Variants in PRCD observed in about 807,000 individuals in gnomAD.
PRCD encodes the protein photoreceptor disc component, also known as photoreceptor disk component PRCD.
Under a neutral mutation model 10.1 loss-of-function variants are expected in PRCD, and 12 were observed. The ratio of observed to expected loss-of-function variants is 1.18; its 90% CI spans 0.76 to 1.92. The LOEUF (loss-of-function observed/expected upper bound fraction) is 1.92. Among genes scored for constraint, PRCD ranks in the 40% most tolerant of loss-of-function variants. PRCD has a pLI of 0.00. For missense variants in PRCD, 61 were observed against 72.2 expected (o/e 0.84, Z 0.56); for synonymous variants, 31 against 26.2 (o/e 1.18, Z -0.56).
chr17:76,541,685 C>T (rs569134231), intron 2 of PRCD, among the ~76,000 whole-genome samples: 1 of 152,292 alleles, frequency 6.6e-6, no homozygotes, highest in Non-Finnish European at 1.5e-5. Flanking sequence ...TAATTGATAT[C>T]ACTAGTTAAA....
At chr17:76,539,000 C>A (rs991131401), upstream of PRCD, among the ~76,000 whole-genome samples, 2 of 152,246 alleles carry the variant, frequency 1.3e-5, no homozygotes, top group Admixed American at 6.5e-5. Context: ...GCCTCAGCTG[C>A]AGCCTGGGCC....
intron 1 of PRCD, among the ~76,000 whole-genome samples, chr17:76,532,310 G>A (rs914063984): frequency 6.6e-6 from 1 of 152,060 alleles, no homozygotes; most frequent in African/African-American, 2.4e-5. Context: ...ATGTTCCTCG[G>A]GTGAGCCACA....
chr17:76,547,828 ACAC>A (rs200613080), downstream of PRCD, among the ~76,000 whole-genome samples: 2,643 of 143,392 alleles, frequency 0.018, 68 homozygotes, highest in African/African-American at 0.068. Flanking sequence ...ACACACACAC[ACAC>A]AACACACATT....
chr17:76,540,385 G>A lies in PRCD; in HGVS notation c.75-120G>A, dbSNP rs1320874048. 7 of 1,324,050 alleles carry A rather than the reference G, an allele frequency of 5.3e-6. No homozygotes were observed. Among genetic ancestry groups the A allele is most frequent in the Non-Finnish European group, 6.5e-6 (6 of 920,626 alleles). 82.0% of individuals were successfully genotyped at this position (1,324,050 alleles called of 1,614,324 possible). ...CAGTCTCAGAGCAGGGGGACTTAGA[G>A]CTTCAAAGGCTCTAGTTGCAGCCTC... On this transcript the variant is annotated intron_variant, in intron 1 of 4. Coordinates refer to ENST00000592014, the MANE Select transcript of PRCD (RefSeq NM_001077620.3). The surrounding 1 kb of genome is among the most constrained non-coding windows in gnomAD (Gnocchi z 5.0).
intron 1 of PRCD, among the ~76,000 whole-genome samples, chr17:76,532,637 T>G (rs1328962043): frequency 6.6e-6 from 1 of 151,420 alleles, no homozygotes; most frequent in African/African-American, 2.4e-5. Flanking sequence ...GTTCAAGTGA[T>G]TCTCTTGCCT....
chr17:76,540,466 A>G lies in PRCD; in HGVS notation c.75-39A>G. The G allele has an allele frequency of 6.2e-7, 1 of 1,605,274 alleles. No homozygotes were observed. The highest frequency in any genetic ancestry group is 8.5e-7 in the Non-Finnish European group (1 of 1,172,536). On this transcript the variant is annotated intron_variant, in intron 1 of 4. Coordinates refer to ENST00000592014, the MANE Select transcript of PRCD (RefSeq NM_001077620.3). The surrounding 1 kb of genome is among the most constrained non-coding windows in gnomAD (Gnocchi z 5.0). ...GTGGAGGGACAGTGAGGGGCTGGGC[A>G]CAGCCATAGCTCTTCCTCCCTACTC... is the stretch of plus-strand genomic sequence containing the variant.
upstream of PRCD, among the ~76,000 whole-genome samples, chr17:76,537,230 G>A (rs1304279379): frequency 6.6e-6 from 1 of 152,162 alleles, no homozygotes; most frequent in Non-Finnish European, 1.5e-5. Context: ...CTCAACCCAG[G>A]CTTCGTTCAC....
chr17:76,548,087 TAAAAC>T (rs1231201029), downstream of PRCD, among the ~76,000 whole-genome samples: 5 of 148,964 alleles, frequency 3.4e-5, no homozygotes, highest in Admixed American at 2.7e-4. Context: ...CACACACAAA[TAAAAC>T]AGACACACAG....
chr17:76,538,833 T>C (rs1463040514), upstream of PRCD, among the ~76,000 whole-genome samples: 1 of 152,246 alleles, frequency 6.6e-6, no homozygotes, highest in Admixed American at 6.5e-5. Context: ...GAGATGTCAC[T>C]CAGGCTCCCG....
upstream of PRCD, chr17:76,537,446 G>A (rs749158794): frequency 1.3e-6 from 2 of 1,598,722 alleles, no homozygotes; most frequent in African/African-American, 1.4e-5. Context: ...GCATAGAGCC[G>A]GGCCCACATA....
chr17:76,528,758 A>G lies in PRCD; in HGVS notation n.45+925A>G, dbSNP rs994218659. On this transcript the variant is annotated intron_variant and non_coding_transcript_variant, in intron 1 of 4. Coordinates refer to the PRCD transcript ENST00000397633. The surrounding 1 kb of genome is among the most constrained non-coding windows in gnomAD (Gnocchi z 5.8). The stretch of plus-strand genomic sequence containing the variant: ...CAGTTGAAAGCAACCGTGAGACCCA[A>G]GTTCTAGTCTCCGTCCTGCTACGAA... 3 of 1,018,688 alleles carry G rather than the reference A, an allele frequency of 2.9e-6. No homozygotes were observed. The African/African-American group carries it at 5.0e-5, about 17-fold the overall frequency. 63.1% of individuals were successfully genotyped at this position (1,018,688 alleles called of 1,614,324 possible). A position where few individuals can be genotyped will look rare whatever the true frequency, so the allele number is the denominator to read the frequency against.
downstream of PRCD, chr17:76,545,754 A>T (rs1454955503): frequency 4.2e-6 from 1 of 235,340 alleles, no homozygotes; most frequent in East Asian, 1.0e-4. Context: ...GATGCTTAGC[A>T]TGTTGGGTAA....
chr17:76,532,530 CTTTTTT>C (rs111936272), intron 1 of PRCD, among the ~76,000 whole-genome samples: 1 of 125,728 alleles, frequency 8.0e-6, no homozygotes. Flanking sequence ...ATGACAATGG[CTTTTTT>C]TTTTTTTTTT....
Position 76,530,056 on chromosome 17 carries a change from G to A in PRCD, n.45+2223G>A. ...GAAGGGCCGGCAGTCTTGGGGGCCC[G>A]TGCAGAGCCCGGCGGGAGACGCCGC... is the stretch of plus-strand genomic sequence containing the variant. On this transcript the variant is annotated intron_variant and non_coding_transcript_variant, in intron 1 of 4. Transcript: ENST00000397633. The surrounding 1 kb of genome is among the most constrained non-coding windows in gnomAD (Gnocchi z 6.1). 5.1e-6 allele frequency: 5 copies of A among 985,346 alleles called. No individual in the cohort carries two copies. Among genetic ancestry groups the A allele is most frequent in the Non-Finnish European group, 6.0e-6 (5 of 829,900 alleles). 61.0% of individuals were successfully genotyped at this position (985,346 alleles called of 1,614,324 possible). A position where few individuals can be genotyped will look rare whatever the true frequency, so the allele number is the denominator to read the frequency against.
chr17:76,540,263 G>GGGGGGGGGGGGGGGGC lies in PRCD; in HGVS notation c.74+48_74+49insGGGGGGGGGGGGGGGC. The GGGGGGGGGGGGGGGGC allele has an allele frequency of 3.3e-6, 2 of 610,884 alleles. No individual in the cohort carries two copies. The highest frequency in any genetic ancestry group is 2.7e-5 in the Admixed American group (1 of 37,544). 37.8% of individuals were successfully genotyped at this position (610,884 alleles called of 1,614,324 possible). A position where few individuals can be genotyped will look rare whatever the true frequency, so the allele number is the denominator to read the frequency against. On this transcript the variant is annotated intron_variant, in intron 1 of 4. Coordinates refer to ENST00000592014, the MANE Select transcript of PRCD (RefSeq NM_001077620.3). This position sits in a 1 kb window ranked among gnomAD's most constrained non-coding sequence, Gnocchi z 5.0. Reference sequence around the variant, plus strand: ...GCTGGCGGTTGGTCGGGGGGGGGGGGCATGGGGCTGGGCTGCCACCAAGCT... The same window carrying GGGGGGGGGGGGGGGGC: ...GCTGGCGGTTGGTCGGGGGGGGGGGGGGGGGGGGGGGGGGGCCATGGGGCTGGGCTGCCACCAAGCT...
chr17:76,536,886 C>T (rs1598207664), upstream of PRCD, among the ~76,000 whole-genome samples: 1 of 152,144 alleles, frequency 6.6e-6, no homozygotes, highest in South Asian at 2.1e-4. Context: ...AACACTGGAC[C>T]CCCCGGGCTC....
At position 76,544,616 on chromosome 17, in the gene PRCD, C is replaced by A. The variant is rs1331881344; in HGVS notation, c.*966C>A. On this transcript the variant is annotated 3_prime_UTR_variant, in exon 5 of 5. Coordinates refer to ENST00000592014, the MANE Select transcript of PRCD (RefSeq NM_001077620.3). ...GACCCAGGCCGTGAGCCCGTGATCG[C>A]CTGTCTCAGCTCCTGTCAGCCTGTC... 1 of 456,676 alleles carries A rather than the reference C, an allele frequency of 2.2e-6. No homozygotes were observed. The highest frequency in any genetic ancestry group is 2.0e-5 in the African/African-American group (1 of 50,100). 28.3% of individuals were successfully genotyped at this position (456,676 alleles called of 1,614,324 possible).
rs1465962843 is a variant in PRCD at position 76,530,837 on chromosome 17, A to G, written n.45+3004A>G. On this transcript the variant is annotated intron_variant and non_coding_transcript_variant, in intron 1 of 4. Coordinates refer to the PRCD transcript ENST00000397633. The surrounding 1 kb of genome is among the most constrained non-coding windows in gnomAD (Gnocchi z 6.1). Reference sequence around the variant, plus strand: ...CCTTTCCTATTATGCCTGTTCTTACATGTCAGACCCCAGGGTTGGCCTGCC... The same window carrying G: ...CCTTTCCTATTATGCCTGTTCTTACGTGTCAGACCCCAGGGTTGGCCTGCC... The G allele has an allele frequency of 4.6e-6, 4 of 866,264 alleles. No homozygotes were observed. Among genetic ancestry groups the G allele is most frequent in the Non-Finnish European group, 6.9e-6 (4 of 581,834 alleles). 53.7% of individuals were successfully genotyped at this position (866,264 alleles called of 1,614,324 possible).
At chr17:76,542,437 C>T (rs1208187456) in intron 2 of PRCD, 116 bp from the exon 3 acceptor site, 22 of 1,213,114 alleles carry the variant, frequency 1.8e-5, no homozygotes, top group Middle Eastern at 2.0e-4. Context: ...CTTAGGTGGT[C>T]CTGCCCCTCA....
Sources: allele counts gnomAD v4.1 joint callset (sites outside exome capture counted in the v4.1 genomes callset), GRCh38; gene constraint gnomAD v4.1.1; non-coding constraint Gnocchi (gnomAD v3.1); transcripts MANE v1.5; gene names NCBI Gene and HGNC (gene_info 2026-07-23, HGNC 2026-07-21).